The following NAV1 variants were observed in gnomAD, a reference collection of about 807,000 sequenced individuals.
NAV1 encodes neuron navigator 1.
NAV1 carries 18 observed loss-of-function variants against 175.2 expected under a neutral mutation model. The observed-to-expected ratio is 0.10, with a 90% CI of 0.07 to 0.15. The LOEUF is 0.15. NAV1 is among the 10% of genes least tolerant of loss of function. The pLI, the probability that NAV1 is intolerant of heterozygous loss-of-function variation, is 1.00. For missense variants in NAV1, 1,731 were observed against 2,436.6 expected, an observed-to-expected ratio of 0.71 and a Z score of 6.10; for synonymous variants, 897 against 978.7, an observed-to-expected ratio of 0.92 and a Z score of 1.56.
chr1:201,729,023 A>G (rs564924017), intron 3 of NAV1, among the ~76,000 whole-genome samples: 154 of 152,344 alleles, frequency 1.0e-3, no homozygotes, highest in Non-Finnish European at 1.7e-3. Flanking sequence ...TTGGTTGACA[A>G]TCAAGATGGG....
At chr1:201,644,170 A>T (rs1440475698), upstream of NAV1, among the ~76,000 whole-genome samples, 1 of 152,102 alleles carries the variant, frequency 6.6e-6, no homozygotes, top group Non-Finnish European at 1.5e-5. Flanking sequence ...CTCCCTCATC[A>T]CATAACCTCT....
intron 15 of NAV1, among the ~76,000 whole-genome samples, chr1:201,800,684 G>A (rs1055690056): frequency 1.3e-5 from 2 of 152,004 alleles, no homozygotes; most frequent in Non-Finnish European, 2.9e-5. Context: ...ATCCCAATCC[G>A]CAGAGGTAAG....
chr1:201,695,892 A>C (rs1461289403), intron 1 of NAV1, among the ~76,000 whole-genome samples: 1 of 152,198 alleles, frequency 6.6e-6, no homozygotes, highest in African/African-American at 2.4e-5. Flanking sequence ...GGCCCAGCAC[A>C]TCTCCTCCTG....
chr1:201,695,153 C>G (rs532782763), intron 1 of NAV1, among the ~76,000 whole-genome samples: 1 of 152,358 alleles, frequency 6.6e-6, no homozygotes, highest in South Asian at 2.1e-4. Flanking sequence ...GCTCAGGCCT[C>G]TTGGCCCCCC....
chr1:201,663,592 G>A (rs1478507217), intron 1 of NAV1, among the ~76,000 whole-genome samples: 2 of 152,220 alleles, frequency 1.3e-5, no homozygotes, highest in Non-Finnish European at 2.9e-5. Context: ...CAGGGCTGAG[G>A]CATAAAATCT....
At chr1:201,687,082 G>A (rs1179754374) in intron 1 of NAV1, among the ~76,000 whole-genome samples, 1 of 152,120 alleles carries the variant, frequency 6.6e-6, no homozygotes, top group African/African-American at 2.4e-5. Flanking sequence ...ATAAGCATAC[G>A]GTATTTAGGA....
chr1:201,540,086 G>A (rs1005287091), intron 1 of NAV1, among the ~76,000 whole-genome samples: 5 of 152,222 alleles, frequency 3.3e-5, no homozygotes, highest in Non-Finnish European at 7.3e-5. Context: ...CTGGTCATAG[G>A]ATAAAGAAGC....
rs900795871 is a variant in NAV1, at chr1:201,781,456, C to G, written c.1663+147C>G. On this transcript the variant is annotated intron_variant, in intron 5 of 29. Coordinates refer to ENST00000367296, the Ensembl canonical transcript of NAV1. ...ATCTTATCTGGTCTAAGGACAGTCC[C>G]GTGAGTTAGGAAAGATGGGTGTTAT... 3.8e-5 allele frequency: 30 copies of G among 779,238 alleles called. No individual in the cohort carries two copies. In the East Asian group the frequency reaches 5.5e-4, roughly 14 times the overall value. The allele number at this position is 779,238 out of a possible 1,614,324, so 48.3% of individuals were successfully genotyped here.
At chr1:201,571,044 G>A (rs912649760) in intron 1 of NAV1, among the ~76,000 whole-genome samples, 1 of 152,254 alleles carries the variant, frequency 6.6e-6, no homozygotes, top group African/African-American at 2.4e-5. Flanking sequence ...TTTTGTCCCT[G>A]CCAAGGGCTG....
intron 3 of NAV1, among the ~76,000 whole-genome samples, chr1:201,767,733 C>G (rs1675306913): frequency 6.6e-6 from 1 of 152,130 alleles, no homozygotes; most frequent in African/African-American, 2.4e-5. Context: ...AGTCCACTTG[C>G]TGCAGGGACC....
chr1:201,581,399 ACG>A (rs549902049), intron 1 of NAV1, among the ~76,000 whole-genome samples: 75 of 152,252 alleles, frequency 4.9e-4, no homozygotes, highest in Admixed American at 3.5e-3. Flanking sequence ...AAAGAAAGAA[ACG>A]GAGTTTAGCT....
At chr1:201,751,521 A>G (rs1040819569) in intron 3 of NAV1, among the ~76,000 whole-genome samples, 1 of 152,222 alleles carries the variant, frequency 6.6e-6, no homozygotes, top group South Asian at 2.1e-4. Flanking sequence ...TGGAAAGTGC[A>G]TCAGTAAGGA....
chr1:201,592,060 T>C (rs1178537545), intron 2 of NAV1, among the ~76,000 whole-genome samples: 1 of 152,048 alleles, frequency 6.6e-6, no homozygotes, highest in East Asian at 1.9e-4. Flanking sequence ...AGAGGTGTCT[T>C]CTCTCCCTCC....
chr1:201,747,212 G>T (rs1673827046), intron 3 of NAV1, among the ~76,000 whole-genome samples: 1 of 152,158 alleles, frequency 6.6e-6, no homozygotes, highest in Non-Finnish European at 1.5e-5. Flanking sequence ...TCTCGTGGCT[G>T]TGCGGGCAGT....
rs570750383 is a variant in NAV1, at chr1:201,793,887, G to C, written c.3405+12G>C. ...CGGCCGAGGAGAAGGTGAGAGGCCT[G>C]GGAAAGGGTGGGAGGGGTGGGTGCG... On this transcript the variant is annotated intron_variant, in intron 14 of 29. Coordinates refer to ENST00000367296, the Ensembl canonical transcript of NAV1. 251 of 1,266,858 alleles carry C rather than the reference G, an allele frequency of 2.0e-4. 2 individuals carry two copies. In the South Asian group the frequency reaches 2.4e-3, roughly 12 times the overall value. 78.5% of individuals were successfully genotyped at this position (1,266,858 alleles called of 1,614,324 possible). A position where few individuals can be genotyped will look rare whatever the true frequency, so the allele number is the denominator to read the frequency against.
Position 201,597,577 on chromosome 1 carries a change from G to A in NAV1, c.-33+8928G>A, listed in dbSNP as rs367852962. On this transcript the variant is annotated intron_variant, in intron 2 of 33. Transcript: ENST00000685211. ...CAGGCTGCAGAGCCCGTGCTCCACC[G>A]GGCTGAGGGCCAAGCTGGGAGTCCA... Among the ~76,000 whole-genome samples, 29 of 152,024 alleles carry A rather than the reference G, an allele frequency of 1.9e-4. No homozygotes were observed. In the East Asian group the frequency reaches 4.5e-3, roughly 23 times the overall value.
intron 8 of NAV1, among the ~76,000 whole-genome samples, chr1:201,785,849 G>A (rs1019534082): frequency 2.1e-5 from 3 of 144,362 alleles, no homozygotes; most frequent in Non-Finnish European, 4.5e-5. Flanking sequence ...CTGGAGTGCA[G>A]TGGCACAATC....
At chr1:201,761,158 A>G (rs1165925028) in intron 3 of NAV1, among the ~76,000 whole-genome samples, 3 of 152,242 alleles carry the variant, frequency 2.0e-5, no homozygotes, top group Admixed American at 6.5e-5. Context: ...GCTTTTGTAG[A>G]AACACTAAAG....
At chr1:201,549,100 TTTCTTTCTTTC>T (rs1665758637) in intron 1 of NAV1, among the ~76,000 whole-genome samples, 1 of 147,764 alleles carries the variant, frequency 6.8e-6, no homozygotes, top group South Asian at 2.2e-4. Context: ...TCTTTCTTTC[TTTCTTTCTTTC>T]TTTCTTTCTT....
Sources: allele counts gnomAD v4.1 joint callset (sites outside exome capture counted in the v4.1 genomes callset), GRCh38; gene constraint gnomAD v4.1.1; transcripts MANE v1.5; gene names NCBI Gene and HGNC (gene_info 2026-07-23, HGNC 2026-07-21).